TYW1: variants seen among roughly 807,000 people sequenced by gnomAD.
The protein encoded by TYW1 is tRNA-yW synthesizing protein 1 homolog, also known as S-adenosyl-L-methionine-dependent tRNA 4-demethylwyosine synthase TYW1.
Under a neutral mutation model 96.2 loss-of-function variants are expected in TYW1, and 46 were observed. That is an observed-to-expected ratio of 0.48 (90% confidence interval 0.38 to 0.61). The LOEUF is 0.61. TYW1 is among the 20% of genes least tolerant of loss of function. The pLI, the probability that TYW1 is intolerant of heterozygous loss-of-function variation, is 0.00. For synonymous variants in TYW1, 274 were observed against 323.0 expected (o/e 0.85, Z 1.63); for missense variants, 684 against 909.6 (o/e 0.75, Z 3.19).
chr7:67,147,932 A>C, intron 13 of TYW1, among the ~76,000 whole-genome samples: 1 of 144,994 alleles, frequency 6.9e-6, no homozygotes, highest in Non-Finnish European at 1.5e-5. Flanking sequence ...AAAAGAAAAA[A>C]TAAATTAATT....
intron 7 of TYW1, among the ~76,000 whole-genome samples, chr7:67,033,341 G>T (rs2129251749): frequency 6.6e-6 from 1 of 152,274 alleles, no homozygotes; most frequent in Non-Finnish European, 1.5e-5. Flanking sequence ...GCTGTCAGGG[G>T]AACACTCCTG....
chr7:67,128,995 T>G (rs1473929489), intron 13 of TYW1, among the ~76,000 whole-genome samples: 1 of 152,194 alleles, frequency 6.6e-6, no homozygotes, highest in African/African-American at 2.4e-5. Flanking sequence ...AGTCTAGGTC[T>G]CAGTCTTTTA....
intron 15 of TYW1, among the ~76,000 whole-genome samples, chr7:67,232,851 C>T (rs1301287956): frequency 1.2e-5 from 1 of 80,334 alleles, no homozygotes; most frequent in Non-Finnish European, 2.4e-5. Context: ...AAGCATCTGT[C>T]GGGGCATGGA....
At position 67,238,708 on chromosome 7, in the gene TYW1, ACAGCCCCGATGTTTCTTTTCAGAACT is replaced by A; in HGVS notation, c.*187_*212del. The stretch of plus-strand genomic sequence containing the variant: ...CGTCCACACTCAGAGGGCCTGGGCC[ACAGCCCCGATGTTTCTTTTCAGAACT>A]CAGCCCCTTTCCTGATTTTACTTCT... On this transcript the variant is annotated 3_prime_UTR_variant, in exon 16 of 16. Coordinates refer to ENST00000359626, the MANE Select transcript of TYW1 (RefSeq NM_018264.4). The A allele has an allele frequency of 1.4e-6, 2 of 1,427,704 alleles. No individual in the cohort carries two copies. Among genetic ancestry groups the A allele is most frequent in the Non-Finnish European group, 1.8e-6 (2 of 1,088,724 alleles). 88.4% of individuals were successfully genotyped at this position (1,427,704 alleles called of 1,614,324 possible).
At chr7:67,020,755 C>T (rs180865479) in intron 6 of TYW1, among the ~76,000 whole-genome samples, 144 of 152,362 alleles carry the variant, frequency 9.5e-4, no homozygotes, top group East Asian at 6.0e-3. Context: ...CAAGGCTGGG[C>T]GCGGTGGCTC....
In TYW1 at chr7:67,002,435, G is replaced by A. The variant is rs547005906; in HGVS notation, c.273+3481G>A. Among the ~76,000 whole-genome samples the A allele has an allele frequency of 5.3e-5, 8 of 152,208 alleles. No individual in the cohort carries two copies. The South Asian group carries it at 1.2e-3, about 24-fold the overall frequency. ...GGATTTGATTGATTCATATTTGGTC[G>A]TGTGTAGAAGACTATTAAAAACTTT... On this transcript the variant is annotated intron_variant, in intron 3 of 15. Transcript: ENST00000359626.
rs57100190 is a variant in TYW1 at position 67,234,348 on chromosome 7, T to TAAAAAAA, written c.1978-3948_1978-3942dup. On this transcript the variant is annotated intron_variant, in intron 15 of 15. Transcript: ENST00000359626. ...GGTGACAGAGTGAGAACCTATCTCT[T>TAAAAAAA]AAAAAAAAAAAAAAAAAAGGAAGAA... Among the ~76,000 whole-genome samples, 71 of 93,262 alleles carry TAAAAAAA rather than the reference T, an allele frequency of 7.6e-4. 2 individuals are homozygous for TAAAAAAA. The highest frequency in any genetic ancestry group is 2.5e-3 in the African/African-American group (52 of 21,142). 61.2% of individuals were successfully genotyped at this position (93,262 alleles called of 152,430 possible).
chr7:67,055,754 A>AT lies in TYW1; in HGVS notation c.1103-76dup, dbSNP rs1036870883. ...AATAATTTAGCAAAAAAAAAAAAAA[A>AT]TTTTTGCTAAATTTTAAAGTCACTT... On this transcript the variant is annotated intron_variant, in intron 8 of 15. Coordinates refer to ENST00000359626, the MANE Select transcript of TYW1 (RefSeq NM_018264.4). The AT allele has an allele frequency of 4.6e-4, 553 of 1,204,282 alleles. 1 individual carries two copies. Among genetic ancestry groups the AT allele is most frequent in the African/African-American group, 5.2e-4 (33 of 63,528 alleles). 74.6% of individuals were successfully genotyped at this position (1,204,282 alleles called of 1,614,324 possible). A position where few individuals can be genotyped will look rare whatever the true frequency, so the allele number is the denominator to read the frequency against.
At position 67,195,158 on chromosome 7, in the gene TYW1, C is replaced by T. The variant is rs1306229922; in HGVS notation, c.1810-12C>T. 12 of 1,613,190 alleles carry T rather than the reference C, an allele frequency of 7.4e-6. No homozygotes were observed. Among genetic ancestry groups the T allele is most frequent in the Non-Finnish European group, 1.0e-5 (12 of 1,179,574 alleles). On this transcript the variant is annotated splice_polypyrimidine_tract_variant and intron_variant, in intron 14 of 15. Coordinates refer to ENST00000359626, the MANE Select transcript of TYW1 (RefSeq NM_018264.4). ...TCTGTAGTCATCTCTGATGGTTATA[C>T]TGTTTCCACAGGGCGTTACCTACTG...
intron 8 of TYW1, among the ~76,000 whole-genome samples, chr7:67,054,673 C>T (rs1795455769): frequency 6.6e-6 from 1 of 151,270 alleles, no homozygotes; most frequent in African/African-American, 2.4e-5. Flanking sequence ...CTTATGCTGT[C>T]ATCCAGACTG....
intron 10 of TYW1, among the ~76,000 whole-genome samples, chr7:67,083,108 G>A (rs13307437): frequency 6.6e-6 from 1 of 152,156 alleles, no homozygotes; most frequent in African/African-American, 2.4e-5. Context: ...CAGTAACATG[G>A]TGTTGACAGT....
At chr7:67,180,109 G>A (rs1455048005) in intron 13 of TYW1, among the ~76,000 whole-genome samples, 1 of 131,664 alleles carries the variant, frequency 7.6e-6, no homozygotes, top group Non-Finnish European at 1.6e-5. Flanking sequence ...TTACAGGCGT[G>A]AGCCAGTGCA....
intron 12 of TYW1, among the ~76,000 whole-genome samples, chr7:67,100,521 C>T (rs1478679119): frequency 1.3e-5 from 2 of 151,354 alleles, no homozygotes; most frequent in Non-Finnish European, 2.9e-5. Flanking sequence ...AAGTTTGTTT[C>T]GTAAACACTG....
intron 7 of TYW1, among the ~76,000 whole-genome samples, chr7:67,040,148 G>T (rs1444008054): frequency 6.6e-6 from 1 of 151,548 alleles, no homozygotes; most frequent in South Asian, 2.1e-4. Context: ...GTAGAGATGG[G>T]GTTTTTACCG....
chr7:67,214,944 A>G (rs1252243314), intron 15 of TYW1, among the ~76,000 whole-genome samples: 1 of 151,306 alleles, frequency 6.6e-6, no homozygotes, highest in Admixed American at 6.6e-5. Context: ...TATGGCAATT[A>G]TTGTTCTGTG....
At chr7:67,064,518 T>C (rs572882316) in intron 9 of TYW1, among the ~76,000 whole-genome samples, 1 of 152,300 alleles carries the variant, frequency 6.6e-6, no homozygotes, top group African/African-American at 2.4e-5. Context: ...GACTTACAGT[T>C]TCACATGGCT....
chr7:67,144,588 A>T (rs1177575742), intron 13 of TYW1, among the ~76,000 whole-genome samples: 2 of 152,128 alleles, frequency 1.3e-5, no homozygotes, highest in African/African-American at 4.8e-5. Flanking sequence ...CTCCTGCCTC[A>T]GCCTTCCGAG....
rs201110747 is a variant in TYW1, at chr7:67,022,667, CTT to C, written c.862-2232_862-2231del. On this transcript the variant is annotated intron_variant, in intron 6 of 15. Coordinates refer to ENST00000359626, the MANE Select transcript of TYW1 (RefSeq NM_018264.4). ...TATGTTTCACGTGGTGTACTTGTCT[CTT>C]CTTGACAGCTTGGGCATGAGGCTGG... 2.8e-4 allele frequency among the ~76,000 whole-genome samples: 42 copies of C among 152,308 alleles called. No homozygotes were observed. In the East Asian group the frequency reaches 7.5e-3, roughly 27 times the overall value.
At chr7:67,104,327 A>G (rs1797174441) in intron 12 of TYW1, among the ~76,000 whole-genome samples, 1 of 152,208 alleles carries the variant, frequency 6.6e-6, no homozygotes, top group African/African-American at 2.4e-5. Flanking sequence ...GCCTCAGGAA[A>G]CTTAAAATCA....
Sources: gnomAD v4.1 joint callset for allele counts (sites outside exome capture counted in the v4.1 genomes callset) on GRCh38, gnomAD v4.1.1 for gene constraint, MANE v1.5 for transcripts, NCBI Gene and HGNC (gene_info 2026-07-23, HGNC 2026-07-21) for gene names.